The following SIPA1L3 variants were observed in gnomAD, a reference collection of about 807,000 sequenced individuals.
SIPA1L3 encodes the protein signal induced proliferation associated 1 like 3.
Under a neutral mutation model 150.1 loss-of-function variants are expected in SIPA1L3, and 59 were observed. The ratio of observed to expected loss-of-function variants is 0.39; its 90% confidence interval spans 0.32 to 0.49. The LOEUF is 0.49. Among genes scored for constraint, SIPA1L3 ranks in the 20% least tolerant of loss-of-function variants. The pLI is 0.86. For synonymous variants in SIPA1L3, 1,070 were observed against 1,077.6 expected (o/e 0.99, Z 0.14); for missense variants, 2,211 against 2,489.5 (o/e 0.89, Z 2.38).
Position 38,103,077 on chromosome 19 carries a change from C to T in SIPA1L3, c.2029+1851C>T, listed in dbSNP as rs1253691486. 3.3e-5 allele frequency among the ~76,000 whole-genome samples: 5 copies of T among 151,282 alleles called. No homozygotes were observed. In the East Asian group the frequency reaches 5.8e-4, roughly 18 times the overall value. The stretch of plus-strand genomic sequence containing the variant: ...GGCAGAGGTTGCAGTGAGCCAAGAC[C>T]GCACCATTGCACTCCAGCCTGGGCA... On this transcript the variant is annotated intron_variant, in intron 6 of 21. Coordinates refer to ENST00000222345, the MANE Select transcript of SIPA1L3 (RefSeq NM_015073.3).
chr19:37,941,079 C>CACACAT (rs1555767536), intron 1 of SIPA1L3, among the ~76,000 whole-genome samples: 2 of 131,572 alleles, frequency 1.5e-5, no homozygotes, highest in African/African-American at 5.7e-5. Context: ...TGTACACACA[C>CACACAT]ACACACATAC....
chr19:38,068,430 A>G (rs960018383), intron 2 of SIPA1L3, among the ~76,000 whole-genome samples: 1 of 152,200 alleles, frequency 6.6e-6, no homozygotes. Flanking sequence ...TCATTCACGT[A>G]TTCCCACAGC....
intron 16 of SIPA1L3, chr19:38,186,130 T>A (rs1343796163): frequency 6.6e-6 from 1 of 152,196 alleles, no homozygotes; most frequent in South Asian, 2.1e-4. Flanking sequence ...TCAGAAGATG[T>A]ACCTGGAGAG....
At chr19:37,911,140 T>C (rs1365090870) in intron 1 of SIPA1L3, among the ~76,000 whole-genome samples, 1 of 152,170 alleles carries the variant, frequency 6.6e-6, no homozygotes, top group Admixed American at 6.6e-5. Context: ...TTGCTAGGCT[T>C]TGGAGATAGC....
At chr19:38,031,763 G>A (rs902200650) in intron 2 of SIPA1L3, among the ~76,000 whole-genome samples, 33 of 152,218 alleles carry the variant, frequency 2.2e-4, no homozygotes, top group African/African-American at 7.5e-4. Flanking sequence ...GTGCAATGAA[G>A]TGAGACCCTA....
intron 2 of SIPA1L3, among the ~76,000 whole-genome samples, chr19:38,031,919 C>G (rs1968662435): frequency 6.6e-6 from 1 of 152,168 alleles, no homozygotes; most frequent in Non-Finnish European, 1.5e-5. Flanking sequence ...CACTGCACTC[C>G]AGTGTGGGTG....
intron 12 of SIPA1L3, among the ~76,000 whole-genome samples, chr19:38,149,494 A>C (rs987546435): frequency 1.3e-5 from 2 of 152,222 alleles, no homozygotes; most frequent in African/African-American, 4.8e-5. Flanking sequence ...AATATGCCCA[A>C]CTAAAGAGGA....
At chr19:37,980,208 C>T (rs1002332890) in intron 1 of SIPA1L3, among the ~76,000 whole-genome samples, 16 of 152,218 alleles carry the variant, frequency 1.1e-4, no homozygotes, top group African/African-American at 3.9e-4. Context: ...AGTCTCTGTC[C>T]TCCACTCCTC....
chr19:38,192,567 G>A (rs1055231799), intron 17 of SIPA1L3, among the ~76,000 whole-genome samples: 2 of 152,134 alleles, frequency 1.3e-5, no homozygotes, highest in African/African-American at 2.4e-5. Flanking sequence ...CGAGAACCTC[G>A]CACAACTGGA....
intron 1 of SIPA1L3, among the ~76,000 whole-genome samples, chr19:37,917,187 T>G (rs1245753800): frequency 2.0e-5 from 3 of 152,208 alleles, no homozygotes; most frequent in Non-Finnish European, 4.4e-5. Context: ...TTTTACACTT[T>G]CAGCGTATCT....
intron 8 of SIPA1L3, among the ~76,000 whole-genome samples, chr19:38,112,210 AAC>A (rs752097485): frequency 2.6e-5 from 4 of 151,074 alleles, no homozygotes; most frequent in Non-Finnish European, 5.9e-5. Flanking sequence ...GGCACGCATA[AAC>A]ACATGCACAT....
At chr19:38,203,053 C>T (rs1973123880) in intron 20 of SIPA1L3, among the ~76,000 whole-genome samples, 1 of 152,230 alleles carries the variant, frequency 6.6e-6, no homozygotes, top group Non-Finnish European at 1.5e-5. Flanking sequence ...GTTCTATATA[C>T]AACCATCCGT....
intron 1 of SIPA1L3, among the ~76,000 whole-genome samples, chr19:37,954,639 A>AAGC: frequency 6.6e-6 from 1 of 152,270 alleles, no homozygotes; most frequent in East Asian, 1.9e-4. Context: ...CCCTAGTGAT[A>AAGC]AGCACATCCA....
intron 8 of SIPA1L3, among the ~76,000 whole-genome samples, chr19:38,116,954 A>G (rs1970900910): frequency 6.6e-6 from 1 of 152,220 alleles, no homozygotes; most frequent in South Asian, 2.1e-4. Context: ...TTTTAGCAAT[A>G]ATCTGCCAAA....
intron 2 of SIPA1L3, among the ~76,000 whole-genome samples, chr19:38,052,174 C>T (rs1166833740): frequency 2.0e-5 from 3 of 152,204 alleles, no homozygotes; most frequent in Non-Finnish European, 1.5e-5. Context: ...TTTCATTTTC[C>T]ATGGTGTGTC....
At position 37,962,463 on chromosome 19, in the gene SIPA1L3, C is replaced by CTTTTTTTTTTTTTTTTTTTT. The variant is rs71177491; in HGVS notation, c.-379+55109_-379+55128dup. 6.8e-5 allele frequency among the ~76,000 whole-genome samples: 5 copies of CTTTTTTTTTTTTTTTTTTTT among 73,096 alleles called. 1 individual carries two copies. Among genetic ancestry groups the CTTTTTTTTTTTTTTTTTTTT allele is most frequent in the African/African-American group, 2.8e-4 (4 of 14,038 alleles). 48.0% of individuals were successfully genotyped at this position (73,096 alleles called of 152,430 possible). A position where few individuals can be genotyped will look rare whatever the true frequency, so the allele number is the denominator to read the frequency against. On this transcript the variant is annotated intron_variant, in intron 1 of 21. Coordinates refer to ENST00000222345, the MANE Select transcript of SIPA1L3 (RefSeq NM_015073.3). ...TTGGCCATGAGCCACTGCAGCCGGCCTTTTTTTTTTTTTTTTTTTTTTTGA... is the reference window on the plus strand; with the variant it reads ...TTGGCCATGAGCCACTGCAGCCGGCCTTTTTTTTTTTTTTTTTTTTTTTTTTTTTTTTTTTTTTTTTTTGA...
chr19:37,979,910 C>T (rs552508421), intron 1 of SIPA1L3, among the ~76,000 whole-genome samples: 4 of 152,334 alleles, frequency 2.6e-5, no homozygotes, highest in South Asian at 2.1e-4. Flanking sequence ...TTGGTGCCTC[C>T]GCGTGCACAC....
At chr19:38,015,599 C>G (rs1012533071) in intron 1 of SIPA1L3, among the ~76,000 whole-genome samples, 2 of 151,738 alleles carry the variant, frequency 1.3e-5, no homozygotes, top group Non-Finnish European at 2.9e-5. Context: ...TGGTGTGCAC[C>G]TGTGGTCCCA....
rs1972822313 is a variant in SIPA1L3, at chr19:38,192,302, G to A, written c.4588G>A (p.Asp1530Asn). ...MDNLGPEQER[D>N]TGQSPQKGLQ... ...CAACCTGGGGCCAGAGCAGGAGAGA[G>A]ACACGGGAGTACGTAGGGCCCTGTC... Residue 1530 changes from aspartate to asparagine, a missense_variant, in exon 17 of 22, where the codon GAC (aspartate) becomes AAC (asparagine). Coordinates refer to ENST00000222345, the MANE Select transcript of SIPA1L3 (RefSeq NM_015073.3). The A allele has an allele frequency of 6.2e-7, 1 of 1,606,220 alleles. No individual in the cohort carries two copies.
Sources: gnomAD v4.1 joint callset for allele counts (sites outside exome capture counted in the v4.1 genomes callset) on GRCh38, gnomAD v4.1.1 for gene constraint, MANE v1.5 for transcripts, NCBI Gene and HGNC (gene_info 2026-07-23, HGNC 2026-07-21) for gene names.